Variants in ABCA12 observed in about 807,000 individuals in gnomAD.
ABCA12 encodes the protein glucosylceramide transporter ABCA12.
In ABCA12, 156 loss-of-function variants were observed where a neutral mutation model predicts 293.5. The observed-to-expected ratio is 0.53, with a 90% CI of 0.47 to 0.61. The LOEUF (loss-of-function observed/expected upper bound fraction) is 0.61. ABCA12 is among the 20% of genes least tolerant of loss of function. The pLI, the probability that ABCA12 is intolerant of heterozygous loss-of-function variation, is 0.00. For missense variants in ABCA12, 2,797 were observed against 3,090.2 expected, an observed-to-expected ratio of 0.91 and a Z score of 2.25; for synonymous variants, 1,063 against 1,108.0, an observed-to-expected ratio of 0.96 and a Z score of 0.81.
At chr2:215,132,975 T>A (rs1703093352) in intron 1 of ABCA12, among the ~76,000 whole-genome samples, 1 of 151,910 alleles carries the variant, frequency 6.6e-6, no homozygotes, top group South Asian at 2.1e-4. Flanking sequence ...TCTCCTTCAT[T>A]TATGAAGCTC....
intron 2 of ABCA12, among the ~76,000 whole-genome samples, chr2:215,070,531 C>T (rs186134976): frequency 2.0e-5 from 2 of 101,518 alleles, no homozygotes; most frequent in Non-Finnish European, 3.8e-5. Context: ...CTATCCCTCC[C>T]CCCTCCCCCC....
chr2:215,041,224 A>G lies in ABCA12; in HGVS notation c.873-4159T>C, dbSNP rs2106042739. ...AAATAAATAAAAAGAAATACTGCTGAATTAAAGAAAATTGAAGATAAAAAA... is the reference window on the plus strand; with the variant it reads ...AAATAAATAAAAAGAAATACTGCTGGATTAAAGAAAATTGAAGATAAAAAA... On this transcript the variant is annotated intron_variant, in intron 7 of 52. Coordinates refer to ENST00000272895, the MANE Select transcript of ABCA12 (RefSeq NM_173076.3). Among the ~76,000 whole-genome samples, 3 of 152,312 alleles carry G rather than the reference A, an allele frequency of 2.0e-5. No individual in the cohort carries two copies. In the South Asian group the frequency reaches 6.2e-4, roughly 32 times the overall value.
chr2:215,064,462 A>AC (rs1310172550), intron 2 of ABCA12, among the ~76,000 whole-genome samples: 1 of 151,986 alleles, frequency 6.6e-6, no homozygotes, highest in African/African-American at 2.4e-5. Context: ...ATGCCTGGTT[A>AC]CCCCATGAAT....
chr2:215,020,276 G>C (rs1700599173), intron 11 of ABCA12, among the ~76,000 whole-genome samples: 1 of 127,738 alleles, frequency 7.8e-6, no homozygotes, highest in African/African-American at 2.9e-5. Flanking sequence ...CTTGTGCACT[G>C]TTGGTGGGAA....
At position 215,000,259 on chromosome 2, in the gene ABCA12, C is replaced by CTT. The variant is rs538943019; in HGVS notation, c.3179+444_3179+445dup. On this transcript the variant is annotated intron_variant, in intron 22 of 52. Coordinates refer to ENST00000272895, the MANE Select transcript of ABCA12 (RefSeq NM_173076.3). Reference sequence around the variant, plus strand: ...GTTGATCAAAATGTGTTCAAGGTTTCTTTTATCAATTTGTTTTCTTAAAAT... The same window carrying CTT: ...GTTGATCAAAATGTGTTCAAGGTTTCTTTTTTATCAATTTGTTTTCTTAAAAT... Among the ~76,000 whole-genome samples, 86 of 152,236 alleles carry CTT rather than the reference C, an allele frequency of 5.6e-4. 1 individual carries two copies. Among genetic ancestry groups the CTT allele is most frequent in the Non-Finnish European group, 9.6e-4 (65 of 68,000 alleles).
At chr2:215,075,339 T>G (rs1701814105) in intron 2 of ABCA12, among the ~76,000 whole-genome samples, 1 of 152,086 alleles carries the variant, frequency 6.6e-6, no homozygotes, top group Non-Finnish European at 1.5e-5. Flanking sequence ...AAAATGCCCT[T>G]TTCAACTTCT....
intron 20 of ABCA12, among the ~76,000 whole-genome samples, chr2:215,003,304 G>A (rs947184046): frequency 6.6e-6 from 1 of 152,160 alleles, no homozygotes; most frequent in African/African-American, 2.4e-5. Context: ...ATGGCAGAGG[G>A]AATGCATAAG....
At chr2:215,035,890 A>G (rs978948559) in intron 8 of ABCA12, 1 of 152,124 alleles carries the variant, frequency 6.6e-6, no homozygotes, top group Non-Finnish European at 1.5e-5. Context: ...ACTTTATATT[A>G]ATTATAAAGG....
At chr2:214,986,024 T>A (rs1198817571) in intron 28 of ABCA12, among the ~76,000 whole-genome samples, 2 of 152,226 alleles carry the variant, frequency 1.3e-5, no homozygotes, top group African/African-American at 4.8e-5. Context: ...TGTTTCTTTA[T>A]GAGTCAAGGC....
chr2:215,065,309 A>T (rs1264492943), intron 2 of ABCA12, among the ~76,000 whole-genome samples: 1 of 148,862 alleles, frequency 6.7e-6, no homozygotes, highest in African/African-American at 2.5e-5. Context: ...AAAAAAAAAA[A>T]AAAAAAAAAA....
At chr2:215,037,768 G>A (rs898106554) in intron 7 of ABCA12, among the ~76,000 whole-genome samples, 8 of 152,136 alleles carry the variant, frequency 5.3e-5, no homozygotes, top group African/African-American at 1.9e-4. Context: ...CTCAAAACAT[G>A]TCTTTTAGTT....
intron 2 of ABCA12, among the ~76,000 whole-genome samples, chr2:215,078,358 T>A (rs745348206): frequency 6.6e-6 from 1 of 152,234 alleles, no homozygotes; most frequent in Non-Finnish European, 1.5e-5. Context: ...TGAGATCATG[T>A]AGCATTGTGT....
At chr2:215,059,432 C>T (rs1253055070) in intron 3 of ABCA12, among the ~76,000 whole-genome samples, 1 of 152,048 alleles carries the variant, frequency 6.6e-6, no homozygotes, top group Non-Finnish European at 1.5e-5. Context: ...ATCCATACTT[C>T]AGCTATGGAT....
chr2:215,031,872 A>C lies in ABCA12; in HGVS notation c.1010T>G (p.Val337Gly). The C allele has an allele frequency of 6.2e-7, 1 of 1,613,970 alleles. No homozygotes were observed. The highest frequency in any genetic ancestry group is 8.5e-7 in the Non-Finnish European group (1 of 1,179,936). ...AQGDSDNITHVWNEDDGQTLS... is the reference protein window; with the variant it reads ...AQGDSDNITHGWNEDDGQTLS... ...GGTCTGTCCATCATCCTCATTCCAC[A>C]CATGCGTTATATTATCGGAGTCACC... Residue 337 changes from valine (V) to glycine (G), a missense_variant, in exon 9 of 53, where the codon GTG (valine) becomes GGG (glycine). Coordinates refer to ENST00000272895, the MANE Select transcript of ABCA12 (RefSeq NM_173076.3).
rs753042560 is a variant in ABCA12, at chr2:215,019,419, T to C, written c.1574A>G (p.Tyr525Cys). 4 of 1,613,874 alleles carry C rather than the reference T, an allele frequency of 2.5e-6. No individual in the cohort carries two copies. Among genetic ancestry groups the C allele is most frequent in the Non-Finnish European group, 3.4e-6 (4 of 1,179,998 alleles). Reference protein sequence around the residue: ...QFLEQALQMNYLENITQLIPI... With the variant: ...QFLEQALQMNCLENITQLIPI... ...TATTAACTGAGTGATATTTTCCAAG[T>C]AATTCATTTGCAGTGCCTGTTCTAG... is the stretch of plus-strand genomic sequence containing the variant. Residue 525 changes from tyrosine to cysteine, a missense_variant, in exon 13 of 53, where the codon TAC (tyrosine) becomes TGC (cysteine). Physicochemically the swap from Tyr to Cys is radical, Grantham distance 194. Coordinates refer to ENST00000272895, the MANE Select transcript of ABCA12 (RefSeq NM_173076.3).
At chr2:214,933,958 T>G in intron 52 of ABCA12, 120 bp downstream of exon 52, 1 of 1,089,196 alleles carries the variant, frequency 9.2e-7, no homozygotes, top group South Asian at 1.4e-5. Flanking sequence ...GTTTTTCAGG[T>G]GCAAGACTAG....
intron 13 of ABCA12, 88 bp downstream of exon 13, chr2:215,019,248 G>T: frequency 8.1e-7 from 1 of 1,233,394 alleles, no homozygotes; most frequent in Non-Finnish European, 1.2e-6. Context: ...AGTTTGGTTG[G>T]GAACTTCAAA....
chr2:214,978,553 A>G (rs1699574564), intron 32 of ABCA12, 87 bp from the exon 33 acceptor site: 1 of 1,509,084 alleles, frequency 6.6e-7, no homozygotes, highest in Non-Finnish European at 9.0e-7. Flanking sequence ...TTGAACTTTT[A>G]TCACATTTAC....
At chr2:215,057,045 T>C (rs954600859) in intron 3 of ABCA12, among the ~76,000 whole-genome samples, 1 of 152,062 alleles carries the variant, frequency 6.6e-6, no homozygotes, top group African/African-American at 2.4e-5. Flanking sequence ...AGCTGCCATG[T>C]CTTATTTATC....
Sources: gnomAD v4.1 joint callset for allele counts (sites outside exome capture counted in the v4.1 genomes callset) on GRCh38, gnomAD v4.1.1 for gene constraint, MANE v1.5 for transcripts, NCBI Gene and HGNC (gene_info 2026-07-23, HGNC 2026-07-21) for gene names.